Variants in MDGA1 observed in about 807,000 individuals in gnomAD.
The protein encoded by MDGA1 is MAM domain-containing glycosylphosphatidylinositol anchor protein 1.
MDGA1 carries 54 observed loss-of-function variants against 101.5 expected under a neutral mutation model. The ratio of observed to expected loss-of-function variants is 0.53; its 90% CI spans 0.43 to 0.67. The LOEUF is 0.67. Ranked by LOEUF, MDGA1 falls within the 30% of genes least tolerant of loss-of-function variation. The pLI is 0.00. For missense variants in MDGA1, 1,083 were observed against 1,323.8 expected, an observed-to-expected ratio of 0.82 and a Z score of 2.82; for synonymous variants, 533 against 558.3, an observed-to-expected ratio of 0.95 and a Z score of 0.64.
rs1763883902 is a variant in MDGA1, at chr6:37,634,462, C to CACACAG, written c.*2900_*2905dup. 1 of 153,382 alleles carries CACACAG rather than the reference C, an allele frequency of 6.5e-6. No homozygotes were observed. The highest frequency in any genetic ancestry group is 1.5e-5 in the Non-Finnish European group (1 of 68,482). 9.5% of individuals were successfully genotyped at this position (153,382 alleles called of 1,614,324 possible). ...ATACAGAGATGCTGGCTCACAGGCA[C>CACACAG]ACACAGACACAGACACTGACAAGTC... On this transcript the variant is annotated 3_prime_UTR_variant, in exon 17 of 17. Transcript: ENST00000434837. This position sits in a 1 kb window ranked among gnomAD's most constrained non-coding sequence, Gnocchi z 4.7.
intron 9 of MDGA1, chr6:37,648,728 A>C: frequency 1.7e-6 from 1 of 589,666 alleles, no homozygotes; most frequent in Non-Finnish European, 2.8e-6. Context: ...CCTCAAGGGA[A>C]GGTGTGAGTG....
chr6:37,695,318 G>A lies in MDGA1; in HGVS notation c.67+1427C>T, dbSNP rs1762393277. ...TGGCATCTTCATCTGCCCTGGAGAG[G>A]CCAAGGCCTCCAGTACCTGCCCCGT... On this transcript the variant is annotated intron_variant, in intron 1 of 16. Coordinates refer to ENST00000434837, the MANE Select transcript of MDGA1 (RefSeq NM_153487.4). Among the ~76,000 whole-genome samples the A allele has an allele frequency of 2.0e-5, 3 of 152,332 alleles. No individual in the cohort carries two copies. In the South Asian group the frequency reaches 6.2e-4, roughly 32 times the overall value.
chr6:37,692,507 C>G (rs931577602), intron 1 of MDGA1, among the ~76,000 whole-genome samples: 1 of 151,932 alleles, frequency 6.6e-6, no homozygotes, highest in Admixed American at 6.5e-5. Context: ...CTGCCTCTGT[C>G]TCACTCCTCC....
rs1421380894 is a variant in MDGA1 at position 37,636,415 on chromosome 6, C to T, written c.*953G>A. 1.3e-5 allele frequency: 2 copies of T among 152,292 alleles called. No homozygotes were observed. Among genetic ancestry groups the T allele is most frequent in the East Asian group, 1.9e-4 (1 of 5,202 alleles). The allele number at this position is 152,292 out of a possible 1,614,324, so 9.4% of individuals were successfully genotyped here. ...GATAAGAAATGAAGGCCCCTCTCCA[C>T]TTCCAAATTCATTGTCTGATATGGG... On this transcript the variant is annotated 3_prime_UTR_variant, in exon 17 of 17. Coordinates refer to ENST00000434837, the MANE Select transcript of MDGA1 (RefSeq NM_153487.4).
At position 37,637,455 on chromosome 6, in the gene MDGA1, C is replaced by T; in HGVS notation, c.2781G>A (p.Val927=). 6.2e-7 allele frequency: 1 copy of T among 1,612,962 alleles called. No individual in the cohort carries two copies. Among genetic ancestry groups the T allele is most frequent in the Non-Finnish European group, 8.5e-7 (1 of 1,179,388 alleles). The change falls in exon 17 of 17, where the codon GTG becomes GTA. Residue 927 remains valine, a synonymous_variant. Coordinates refer to ENST00000434837, the MANE Select transcript of MDGA1 (RefSeq NM_153487.4). The stretch of plus-strand genomic sequence containing the variant: ...AGGGGGCTCCACTGCCCGGCATCAC[C>T]ACCACTGCAACAGGGGAGAAAGAGG... ...PRKQTDPNKV[V]VMPGSGAPCQ...
rs947884167 is a variant in MDGA1 at position 37,643,690 on chromosome 6, T to C, written c.2536+119A>G. On this transcript the variant is annotated intron_variant, in intron 14 of 16. Coordinates refer to ENST00000434837, the MANE Select transcript of MDGA1 (RefSeq NM_153487.4). ...TGCAGACCCGTCCAAGGACCTCTCA[T>C]TTAGCCAAGTGGGGAAGCTGAGGCC... 4.2e-6 allele frequency: 6 copies of C among 1,419,902 alleles called. No individual in the cohort carries two copies. The African/African-American group carries it at 5.7e-5, about 14-fold the overall frequency. 88.0% of individuals were successfully genotyped at this position (1,419,902 alleles called of 1,614,324 possible).
At position 37,655,006 on chromosome 6, in the gene MDGA1, C is replaced by G; in HGVS notation, c.580-74G>C. Reference sequence around the variant, plus strand: ...GGATCCCGCATACTCATTCACCCAGCACCAGAGCCTACCACAAATGCCTGT... The same window carrying G: ...GGATCCCGCATACTCATTCACCCAGGACCAGAGCCTACCACAAATGCCTGT... On this transcript the variant is annotated intron_variant, in intron 4 of 16. Coordinates refer to ENST00000434837, the MANE Select transcript of MDGA1 (RefSeq NM_153487.4). The surrounding 1 kb of genome is among the most constrained non-coding windows in gnomAD (Gnocchi z 5.1). 1 of 1,548,632 alleles carries G rather than the reference C, an allele frequency of 6.5e-7. No homozygotes were observed. The highest frequency in any genetic ancestry group is 8.8e-7 in the Non-Finnish European group (1 of 1,142,604).
chr6:37,668,537 A>C (rs1341239130), intron 1 of MDGA1, among the ~76,000 whole-genome samples: 1 of 152,350 alleles, frequency 6.6e-6, no homozygotes, highest in East Asian at 1.9e-4. Context: ...ATGAGTAAAT[A>C]AGTTCTGGTA....
chr6:37,655,525 C>T lies in MDGA1; in HGVS notation c.579+175G>A, dbSNP rs1184787596. On this transcript the variant is annotated intron_variant, in intron 4 of 16. Coordinates refer to ENST00000434837, the MANE Select transcript of MDGA1 (RefSeq NM_153487.4). This position sits in a 1 kb window ranked among gnomAD's most constrained non-coding sequence, Gnocchi z 5.1. Reference sequence around the variant, plus strand: ...TCCTGCCCTCATTGCTGCTCCCTGACCTTTCCATCTGATTTTTCTGCCCCA... The same window carrying T: ...TCCTGCCCTCATTGCTGCTCCCTGATCTTTCCATCTGATTTTTCTGCCCCA... The T allele has an allele frequency of 1.3e-5, 8 of 600,190 alleles. No homozygotes were observed. The highest frequency in any genetic ancestry group is 9.5e-5 in the Admixed American group (3 of 31,734). The allele number at this position is 600,190 out of a possible 1,614,324, so 37.2% of individuals were successfully genotyped here.
At chr6:37,648,843 C>G in intron 9 of MDGA1, 139 bp downstream of exon 9, 1 of 1,394,478 alleles carries the variant, frequency 7.2e-7, no homozygotes, top group African/African-American at 1.5e-5. Context: ...CTTGGAAAGG[C>G]CGGGGCTAAG....
At position 37,650,387 on chromosome 6, in the gene MDGA1, A is replaced by G; in HGVS notation, c.1331T>C (p.Val444Ala). ...SSETVPPTIS[V>A]PKGRAVVTVR... is the part of the protein sequence containing the mutation. ...GGTCACCACGGCCCTACCCTTGGGC[A>G]CACTGATGGTGGGCGGCACTGTGGG... Residue 444 changes from valine (V) to alanine (A), a missense_variant, in exon 8 of 17, where the codon GTG becomes GCG. By Grantham distance (64) the Val-to-Ala change is moderately conservative. Coordinates refer to ENST00000434837, the MANE Select transcript of MDGA1 (RefSeq NM_153487.4). 1 of 1,555,794 alleles carries G rather than the reference A, an allele frequency of 6.4e-7. No individual in the cohort carries two copies. Among genetic ancestry groups the G allele is most frequent in the Non-Finnish European group, 8.7e-7 (1 of 1,148,674 alleles).
chr6:37,672,696 T>A (rs1295427696), intron 1 of MDGA1, among the ~76,000 whole-genome samples: 4 of 152,138 alleles, frequency 2.6e-5, no homozygotes, highest in Non-Finnish European at 4.4e-5. Flanking sequence ...GATGGAGTGG[T>A]ACAGAATTGG....
At position 37,675,278 on chromosome 6, in the gene MDGA1, C is replaced by A. The variant is rs150624338; in HGVS notation, c.68-11172G>T. On this transcript the variant is annotated intron_variant, in intron 1 of 16. Transcript: ENST00000434837. The stretch of plus-strand genomic sequence containing the variant: ...GGGAAAGTTGTTTAACCTCCTTTAG[C>A]CTCAGTTTCTTCATCTGCAAAATGG... 2.6e-5 allele frequency among the ~76,000 whole-genome samples: 4 copies of A among 152,264 alleles called. 1 individual carries two copies. In the East Asian group the frequency reaches 7.7e-4, roughly 29 times the overall value.
rs150253670 is a variant in MDGA1, at chr6:37,671,967, C to T, written c.68-7861G>A. ...ACCAGCCTGGGCAACATGGTGAAAC[C>T]CCATCTCTACCAAAAATATAAAAAC... On this transcript the variant is annotated intron_variant, in intron 1 of 16. Transcript: ENST00000434837. Among the ~76,000 whole-genome samples the T allele has an allele frequency of 3.0e-4, 46 of 151,770 alleles. No individual in the cohort carries two copies. The East Asian group carries it at 6.8e-3, about 22-fold the overall frequency.
chr6:37,662,162 G>A (rs1287710659), intron 2 of MDGA1, among the ~76,000 whole-genome samples: 8 of 131,426 alleles, frequency 6.1e-5, no homozygotes, highest in Admixed American at 7.7e-5. Flanking sequence ...ACCCTGTCTC[G>A]AAAAAAAAAA....
chr6:37,645,364 T>A (rs1481692447), intron 12 of MDGA1, among the ~76,000 whole-genome samples: 3 of 152,032 alleles, frequency 2.0e-5, no homozygotes, highest in Non-Finnish European at 4.4e-5. Context: ...TGAAACCCCA[T>A]CTCTATTAAA....
At position 37,697,791 on chromosome 6, in the gene MDGA1, C is replaced by CGGGCG. The variant is rs1171887199; in HGVS notation, c.-985_-981dup. Reference sequence around the variant, plus strand: ...GGCCTTGGCCTGCGGGGGCCCAGAGCGGGCGGGGCCGGGCCGGGCTCCGGG... The same window carrying CGGGCG: ...GGCCTTGGCCTGCGGGGGCCCAGAGCGGGCGGGGCGGGGCCGGGCCGGGCTCCGGG... On this transcript the variant is annotated 5_prime_UTR_variant, in exon 1 of 17. Transcript: ENST00000434837. 8.7e-5 allele frequency: 13 copies of CGGGCG among 148,976 alleles called. No homozygotes were observed. Among genetic ancestry groups the CGGGCG allele is most frequent in the Non-Finnish European group, 1.6e-4 (11 of 66,874 alleles). The allele number at this position is 148,976 out of a possible 1,614,324, so 9.2% of individuals were successfully genotyped here.
At chr6:37,644,441 G>A (rs1448355143) in intron 13 of MDGA1, 56 bp downstream of exon 13, 2 of 1,463,220 alleles carry the variant, frequency 1.4e-6, no homozygotes, top group Non-Finnish European at 1.8e-6. Flanking sequence ...GGTGCCCTGG[G>A]CCTAGACACC....
Position 37,650,471 on chromosome 6 carries a change from C to T in MDGA1, c.1313-66G>A, listed in dbSNP as rs967482866. ...GTTAGAGCTCCCCACTGGGCTCTGC[C>T]TTCTGGCTCCTGCTTACCTCCCGCT... On this transcript the variant is annotated intron_variant, in intron 7 of 16. Transcript: ENST00000434837. 2.2e-5 allele frequency: 31 copies of T among 1,403,604 alleles called. No homozygotes were observed. The East Asian group carries it at 6.9e-4, about 31-fold the overall frequency. 86.9% of individuals were successfully genotyped at this position (1,403,604 alleles called of 1,614,324 possible). A position where few individuals can be genotyped will look rare whatever the true frequency, so the allele number is the denominator to read the frequency against.
Sources: gnomAD v4.1 joint callset for allele counts (sites outside exome capture counted in the v4.1 genomes callset) on GRCh38, gnomAD v4.1.1 for gene constraint, Gnocchi (gnomAD v3.1) non-coding constraint, MANE v1.5 for transcripts, NCBI Gene and HGNC (gene_info 2026-07-23, HGNC 2026-07-21) for gene names.